The following SPON1 variants were observed in gnomAD, a reference collection of about 807,000 sequenced individuals.
SPON1 encodes the protein spondin-1.
SPON1 carries 52 observed loss-of-function variants against 111.7 expected under a neutral mutation model. The ratio of observed to expected loss-of-function variants is 0.47; its 90% CI spans 0.37 to 0.59. The LOEUF (loss-of-function observed/expected upper bound fraction) is 0.59, where lower values mean the gene tolerates loss of function less well. Ranked by LOEUF, SPON1 falls within the 20% of genes least tolerant of loss-of-function variation. SPON1 has a pLI of 0.00. For missense variants in SPON1, 957 were observed against 1,068.5 expected, an observed-to-expected ratio of 0.90 and a Z score of 1.46; for synonymous variants, 410 against 395.8, an observed-to-expected ratio of 1.04 and a Z score of -0.43.
At chr11:14,017,943 T>C (rs527910045) in intron 2 of SPON1, among the ~76,000 whole-genome samples, 2 of 152,328 alleles carry the variant, frequency 1.3e-5, no homozygotes, top group East Asian at 3.9e-4. Flanking sequence ...GTCGGACTAT[T>C]TGGAATGAGC....
intron 2 of SPON1, among the ~76,000 whole-genome samples, chr11:14,001,139 A>G (rs1312706035): frequency 1.3e-5 from 2 of 152,144 alleles, no homozygotes; most frequent in Non-Finnish European, 2.9e-5. Context: ...TGGAGAGACA[A>G]GTGAATACTG....
chr11:14,045,253 T>G (rs4757219), intron 3 of SPON1, among the ~76,000 whole-genome samples: 52,632 of 152,080 alleles, frequency 0.35, 10,571 homozygotes, highest in East Asian at 0.67. Context: ...CTTGTCCATT[T>G]TTTAATAATC....
Position 14,135,437 on chromosome 11 carries a change from T to C in SPON1, c.694T>C (p.Ser232Pro). Reference sequence around the variant, plus strand: ...TTTCCCAGGTCGGGCCAACCACTGGTCTGCGATCATCGGAGGATCCCACTC... The same window carrying C: ...TTTCCCAGGTCGGGCCAACCACTGGCCTGCGATCATCGGAGGATCCCACTC... The part of the protein sequence containing the change: ...KDYPRRANHW[S>P]AIIGGSHSKN... The change falls in exon 6 of 16, where the codon TCT becomes CCT. Residue 232 changes from serine (S) to proline (P), a missense_variant. Physicochemically the swap from Ser to Pro is moderately conservative, Grantham distance 74. Coordinates refer to ENST00000576479, the MANE Select transcript of SPON1 (RefSeq NM_006108.4). The surrounding 1 kb of genome is among the most constrained non-coding windows in gnomAD (Gnocchi z 4.4). 6.2e-7 allele frequency: 1 copy of C among 1,612,968 alleles called. No individual in the cohort carries two copies. Among genetic ancestry groups the C allele is most frequent in the Non-Finnish European group, 8.5e-7 (1 of 1,179,054 alleles).
intron 6 of SPON1, among the ~76,000 whole-genome samples, chr11:14,189,440 A>T (rs2133890970): frequency 6.6e-6 from 1 of 152,278 alleles, no homozygotes; most frequent in East Asian, 1.9e-4. Context: ...TTTGCACAGC[A>T]TTAAGCTTCC....
intron 6 of SPON1, among the ~76,000 whole-genome samples, chr11:14,186,700 T>C (rs1554934107): frequency 1.3e-5 from 2 of 152,192 alleles, no homozygotes; most frequent in African/African-American, 4.8e-5. Flanking sequence ...ACATTTCCCA[T>C]TTATATCCTT....
chr11:14,231,760 A>G (rs1848805242), intron 6 of SPON1, among the ~76,000 whole-genome samples: 1 of 152,190 alleles, frequency 6.6e-6, no homozygotes. Context: ...CTTACTTGTG[A>G]CATGACTTTT....
intron 2 of SPON1, among the ~76,000 whole-genome samples, chr11:14,027,047 A>G (rs1281463221): frequency 6.6e-6 from 1 of 152,138 alleles, no homozygotes; most frequent in East Asian, 1.9e-4. Flanking sequence ...GCAGCCTGGG[A>G]TGATCTGGGC....
chr11:14,101,055 GTTCT>G (rs1309860503), intron 5 of SPON1, among the ~76,000 whole-genome samples: 6 of 152,062 alleles, frequency 3.9e-5, no homozygotes, highest in African/African-American at 1.2e-4. Flanking sequence ...TCTCTTTGAT[GTTCT>G]TTATTTTCAC....
intron 6 of SPON1, among the ~76,000 whole-genome samples, chr11:14,139,113 T>C (rs1468479782): frequency 6.6e-6 from 1 of 152,212 alleles, no homozygotes; most frequent in Non-Finnish European, 1.5e-5. Context: ...AAAGCCTGAA[T>C]ACCCTTTATG....
Position 14,144,633 on chromosome 11 carries a change from C to CTAATAATAATAATAATAA in SPON1, c.825+9065_825+9066insTAATAATAATAATAATAA, listed in dbSNP as rs782316295. 4.3e-3 allele frequency among the ~76,000 whole-genome samples: 530 copies of CTAATAATAATAATAATAA among 123,972 alleles called. 4 individuals carry two copies. Among genetic ancestry groups the CTAATAATAATAATAATAA allele is most frequent in the African/African-American group, 0.014 (433 of 30,538 alleles). The allele number at this position is 123,972 out of a possible 152,430, so 81.3% of individuals were successfully genotyped here. ...TGACCGAGTGAGTGAGACTCCATCT[C>CTAATAATAATAATAATAA]CAATAATAATAATAATAATAATAAT... is the stretch of plus-strand genomic sequence containing the variant. On this transcript the variant is annotated intron_variant, in intron 6 of 15. Transcript: ENST00000576479.
At chr11:14,127,514 G>A (rs1425346833) in intron 5 of SPON1, among the ~76,000 whole-genome samples, 1 of 152,074 alleles carries the variant, frequency 6.6e-6, no homozygotes, top group African/African-American at 2.4e-5. Flanking sequence ...TCCTATCCCT[G>A]GGTATGTCCT....
Position 13,963,051 on chromosome 11 carries a change from C to A in SPON1, c.147C>A (p.Arg49=). ...KSEGYCSRIL[R]AQGTRREGYT... Reference sequence around the variant, plus strand: ...AGGGCTACTGCAGCCGTATCCTGCGCGCCCAGGGCACGCGGCGCGAGGGCT... The same window carrying A: ...AGGGCTACTGCAGCCGTATCCTGCGAGCCCAGGGCACGCGGCGCGAGGGCT... The change falls in exon 1 of 16, where the codon CGC becomes CGA. Residue 49 remains arginine (R), a synonymous_variant. Transcript: ENST00000576479. 1 of 1,580,710 alleles carries A rather than the reference C, an allele frequency of 6.3e-7. No homozygotes were observed. Among genetic ancestry groups the A allele is most frequent in the Non-Finnish European group, 8.6e-7 (1 of 1,164,878 alleles).
At chr11:14,221,779 G>A (rs1848684122) in intron 6 of SPON1, among the ~76,000 whole-genome samples, 2 of 152,140 alleles carry the variant, frequency 1.3e-5, no homozygotes, top group African/African-American at 4.8e-5. Flanking sequence ...CATGATGCAG[G>A]GCAAGAGGAA....
At chr11:14,175,281 A>G (rs1393524130) in intron 6 of SPON1, among the ~76,000 whole-genome samples, 2 of 152,228 alleles carry the variant, frequency 1.3e-5, no homozygotes, top group East Asian at 3.8e-4. Context: ...AACTATGACA[A>G]GAACCCCCAA....
intron 2 of SPON1, among the ~76,000 whole-genome samples, chr11:14,027,692 G>T (rs1554915531): frequency 6.6e-6 from 1 of 152,232 alleles, no homozygotes. Flanking sequence ...GAGCAGGATA[G>T]AGAGATGTAT....
intron 5 of SPON1, among the ~76,000 whole-genome samples, chr11:14,133,521 A>C (rs1299203491): frequency 6.6e-6 from 1 of 152,220 alleles, no homozygotes; most frequent in Non-Finnish European, 1.5e-5. Context: ...AGTACAGAGC[A>C]AAGAGCATAT....
intron 6 of SPON1, among the ~76,000 whole-genome samples, chr11:14,221,804 C>T (rs1848684454): frequency 6.6e-6 from 1 of 152,214 alleles, no homozygotes; most frequent in Non-Finnish European, 1.5e-5. Context: ...CAGGCTCCAC[C>T]TCATTCTCAT....
chr11:13,999,114 T>TG (rs1848296472), intron 2 of SPON1, among the ~76,000 whole-genome samples: 1 of 152,142 alleles, frequency 6.6e-6, no homozygotes, highest in Non-Finnish European at 1.5e-5. Flanking sequence ...AAAGAGTAAA[T>TG]GGGTCATAGT....
At chr11:14,051,472 G>A (rs1245612951) in intron 3 of SPON1, among the ~76,000 whole-genome samples, 2 of 151,834 alleles carry the variant, frequency 1.3e-5, no homozygotes, top group African/African-American at 2.4e-5. Flanking sequence ...GGAGATTGAG[G>A]CTTCAATGAG....
Sources: allele counts gnomAD v4.1 joint callset (sites outside exome capture counted in the v4.1 genomes callset), GRCh38; gene constraint gnomAD v4.1.1; non-coding constraint Gnocchi (gnomAD v3.1); transcripts MANE v1.5; gene names NCBI Gene and HGNC (gene_info 2026-07-23, HGNC 2026-07-21).